Variants in STK31 observed in about 807,000 individuals in gnomAD.
STK31 encodes serine/threonine kinase 31.
Under a neutral mutation model 129.7 loss-of-function variants are expected in STK31, and 89 were observed. The observed-to-expected ratio is 0.69, with a 90% confidence interval of 0.58 to 0.82. The LOEUF (loss-of-function observed/expected upper bound fraction) is 0.82, where lower values mean the gene tolerates loss of function less well. Ranked by LOEUF, STK31 falls within the 40% of genes least tolerant of loss-of-function variation. The pLI is 0.00. For missense variants in STK31, 1,187 were observed against 1,176.4 expected, an observed-to-expected ratio of 1.01 and a Z score of -0.13; for synonymous variants, 448 against 395.3, an observed-to-expected ratio of 1.13 and a Z score of -1.58.
intron 23 of STK31, among the ~76,000 whole-genome samples, chr7:23,819,464 G>A (rs368094488): frequency 1.1e-4 from 17 of 150,154 alleles, no homozygotes; most frequent in African/African-American, 4.2e-4. Flanking sequence ...TGCCAAGGCT[G>A]AAGTGCAGGG....
At chr7:23,711,709 T>C (rs1785976090) in intron 1 of STK31, among the ~76,000 whole-genome samples, 1 of 152,194 alleles carries the variant, frequency 6.6e-6, no homozygotes, top group South Asian at 2.1e-4. Context: ...TTAAAGCATT[T>C]GTTCTATTAC....
chr7:23,751,740 A>G (rs6966588), intron 8 of STK31, among the ~76,000 whole-genome samples: 150,722 of 152,306 alleles, frequency 0.99, 74,605 homozygotes, highest in East Asian at 1. Context: ...AAAAAGTTCT[A>G]TTATTATGCA....
At position 23,788,138 on chromosome 7, in the gene STK31, T is replaced by C. The variant is rs183099773; in HGVS notation, c.2637+9T>C. 3.7e-6 allele frequency: 6 copies of C among 1,604,674 alleles called. No homozygotes were observed. Among genetic ancestry groups the C allele is most frequent in the African/African-American group, 1.3e-5 (1 of 74,470 alleles). On this transcript the variant is annotated intron_variant, in intron 21 of 23. Transcript: ENST00000355870. ...ACTTCACCAAATCTGTGGTAAGATA[T>C]CATGGTTTTACAAATAGGTTCTAGA...
chr7:23,732,636 A>G (rs1584348051), intron 6 of STK31, among the ~76,000 whole-genome samples: 1 of 152,192 alleles, frequency 6.6e-6, no homozygotes. Flanking sequence ...AGAGAAATCT[A>G]AAATTAGATT....
chr7:23,797,314 T>C (rs961377945), intron 22 of STK31, among the ~76,000 whole-genome samples: 1 of 152,196 alleles, frequency 6.6e-6, no homozygotes, highest in African/African-American at 2.4e-5. Flanking sequence ...GCGTATACAT[T>C]CTTTTCAGCA....
chr7:23,819,434 T>G (rs989737643), intron 23 of STK31, among the ~76,000 whole-genome samples: 2 of 139,020 alleles, frequency 1.4e-5, no homozygotes, highest in African/African-American at 5.2e-5. Context: ...TTTTTTTTTT[T>G]TGAGACAGTC....
chr7:23,722,911 T>C (rs180754674), intron 4 of STK31: 1 of 152,386 alleles, frequency 6.6e-6, no homozygotes, highest in African/African-American at 2.4e-5. Context: ...TCTCCTCGTG[T>C]GCTGTTGGCT....
At chr7:23,751,711 G>A (rs1227938450) in intron 8 of STK31, among the ~76,000 whole-genome samples, 1 of 151,964 alleles carries the variant, frequency 6.6e-6, no homozygotes, top group African/African-American at 2.4e-5. Flanking sequence ...TGTTCTATTA[G>A]ATTTTGTGAT....
chr7:23,723,313 C>G (rs989903423), intron 4 of STK31, among the ~76,000 whole-genome samples: 5 of 152,246 alleles, frequency 3.3e-5, no homozygotes, highest in Admixed American at 2.6e-4. Context: ...ATAAGTGTCT[C>G]TATATGATTC....
intron 9 of STK31, 117 bp from the exon 10 acceptor site, chr7:23,754,198 C>T: frequency 1.0e-6 from 1 of 966,214 alleles, no homozygotes. Context: ...AAAGGTACCC[C>T]TTCAAAGCCA....
chr7:23,779,460 C>A (rs1199463995), intron 15 of STK31, among the ~76,000 whole-genome samples: 1 of 152,222 alleles, frequency 6.6e-6, no homozygotes. Flanking sequence ...CCCCCAGGTG[C>A]TCTGTCCCAG....
intron 3 of STK31, among the ~76,000 whole-genome samples, chr7:23,714,106 G>T (rs1277449193): frequency 6.6e-6 from 1 of 152,142 alleles, no homozygotes; most frequent in East Asian, 1.9e-4. Context: ...TGTAGTGTGT[G>T]TGGTTCATTC....
chr7:23,775,098 A>G (rs1790454946), intron 15 of STK31, among the ~76,000 whole-genome samples: 1 of 151,864 alleles, frequency 6.6e-6, no homozygotes, highest in South Asian at 2.1e-4. Context: ...TCCTTTCCCC[A>G]TTGCTTGCTT....
chr7:23,828,278 C>G (rs577252365), intron 23 of STK31, among the ~76,000 whole-genome samples: 137 of 152,310 alleles, frequency 9.0e-4, no homozygotes, highest in African/African-American at 3.2e-3. Context: ...TTTACCTACT[C>G]AAGCCTGAGC....
chr7:23,717,635 C>CTT, intron 4 of STK31, 56 bp downstream of exon 4: 1 of 1,383,636 alleles, frequency 7.2e-7, no homozygotes, highest in Non-Finnish European at 1.0e-6. Context: ...TTTCCTGTGT[C>CTT]TTAGATATTT....
intron 10 of STK31, among the ~76,000 whole-genome samples, chr7:23,754,720 A>G (rs936122063): frequency 2.6e-5 from 4 of 151,330 alleles, no homozygotes; most frequent in African/African-American, 4.9e-5. Context: ...TCAATGTTCA[A>G]CTCCCACTTA....
At chr7:23,758,475 C>T (rs1330629135) in intron 10 of STK31, among the ~76,000 whole-genome samples, 8 of 151,004 alleles carry the variant, frequency 5.3e-5, no homozygotes, top group African/African-American at 1.9e-4. Flanking sequence ...CTGTCTCCTT[C>T]AATTCTTCTC....
At chr7:23,831,499 T>G (rs1264034242) in intron 23 of STK31, among the ~76,000 whole-genome samples, 1 of 151,978 alleles carries the variant, frequency 6.6e-6, no homozygotes, top group African/African-American at 2.4e-5. Context: ...TTGGGTCATT[T>G]AAAAAAAAGA....
intron 5 of STK31, among the ~76,000 whole-genome samples, chr7:23,728,787 A>G (rs1787231131): frequency 6.6e-6 from 1 of 152,184 alleles, no homozygotes. Flanking sequence ...AGAGGGCTGT[A>G]AGCTTCATAG....
Sources: allele counts gnomAD v4.1 joint callset (sites outside exome capture counted in the v4.1 genomes callset), GRCh38; gene constraint gnomAD v4.1.1; transcripts MANE v1.5; gene names NCBI Gene and HGNC (gene_info 2026-07-23, HGNC 2026-07-21).